Variants in FAT3 observed in about 807,000 individuals in gnomAD.
The protein encoded by FAT3 is FAT atypical cadherin 3.
Under a neutral mutation model 310.2 loss-of-function variants are expected in FAT3, and 95 were observed. The observed-to-expected ratio is 0.31, with a 90% CI of 0.26 to 0.36. The LOEUF (loss-of-function observed/expected upper bound fraction) is 0.36. FAT3 is among the 10% of genes least tolerant of loss of function. FAT3 has a pLI of 1.00. For missense variants in FAT3, 5,408 were observed against 5,715.6 expected (o/e 0.95, Z 1.74); for synonymous variants, 2,314 against 2,192.9 (o/e 1.06, Z -1.54).
chr11:92,229,729 C>A lies in FAT3; in HGVS notation c.-18+4555C>A, dbSNP rs543427075. On this transcript the variant is annotated intron_variant, in intron 1 of 27. Coordinates refer to ENST00000525166, the MANE Select transcript of FAT3 (RefSeq NM_001367949.2). ...TGACAAATGACCCATTCTAGCAGTT[C>A]TGAATTGGAATGGCATTTTCAGGTT... 3.6e-4 allele frequency among the ~76,000 whole-genome samples: 53 copies of A among 149,132 alleles called. 1 individual carries two copies. The South Asian group carries it at 7.6e-3, about 21-fold the overall frequency.
intron 6 of FAT3, among the ~76,000 whole-genome samples, chr11:92,770,717 G>T (rs1946435724): frequency 1.3e-5 from 2 of 152,284 alleles, no homozygotes; most frequent in South Asian, 2.1e-4. Context: ...TAAAGGGGAA[G>T]CTGTGTGATT....
intron 3 of FAT3, among the ~76,000 whole-genome samples, chr11:92,623,228 G>T (rs1195804952): frequency 3.4e-5 from 5 of 147,966 alleles, no homozygotes; most frequent in Admixed American, 2.7e-4. Context: ...TGTTGTAGAT[G>T]AAGAAGGTAT....
At chr11:92,639,189 G>A (rs747208487) in intron 3 of FAT3, among the ~76,000 whole-genome samples, 1 of 152,168 alleles carries the variant, frequency 6.6e-6, no homozygotes, top group South Asian at 2.1e-4. Context: ...CCTGCATGAT[G>A]GATGGGAGAT....
intron 18 of FAT3, 33 bp from the exon 19 acceptor site, chr11:92,843,901 C>T (rs749325282): frequency 3.8e-5 from 58 of 1,546,098 alleles, no homozygotes; most frequent in Non-Finnish European, 5.1e-5. Flanking sequence ...AGTTTTCTTC[C>T]TTTGTTGCCT....
chr11:92,527,008 C>T (rs1176322197), intron 3 of FAT3, among the ~76,000 whole-genome samples: 1 of 152,066 alleles, frequency 6.6e-6, no homozygotes, highest in Non-Finnish European at 1.5e-5. Context: ...GCCTTAGGGA[C>T]CCAAACTTAT....
In FAT3 at chr11:92,352,323, A is replaced by G. The variant is rs772295182; in HGVS notation, c.211A>G (p.Thr71Ala). ...CAACAGCCAGAGTAGAATGGGCATCACCTTAATAGATCTATCCTGGGATAT... is the reference window on the plus strand; with the variant it reads ...CAACAGCCAGAGTAGAATGGGCATCGCCTTAATAGATCTATCCTGGGATAT... ...YVNSQSRMGI[T>A]LIDLSWDIKY... is the part of the protein sequence containing the mutation. Residue 71 changes from threonine to alanine, a missense_variant, in exon 2 of 28, where the codon ACC becomes GCC. Thr to Ala is a moderately conservative substitution (Grantham distance 58). Transcript: ENST00000525166. 1 of 1,553,346 alleles carries G rather than the reference A, an allele frequency of 6.4e-7. No individual in the cohort carries two copies.
At chr11:92,869,800 C>A (rs567806756) in intron 22 of FAT3, among the ~76,000 whole-genome samples, 3 of 152,282 alleles carry the variant, frequency 2.0e-5, no homozygotes, top group Non-Finnish European at 2.9e-5. Flanking sequence ...AAGACTGAGT[C>A]TTTAATGAAA....
At chr11:92,690,048 C>T (rs1943754780) in intron 3 of FAT3, among the ~76,000 whole-genome samples, 1 of 152,228 alleles carries the variant, frequency 6.6e-6, no homozygotes. Flanking sequence ...AGGTCTGTGC[C>T]AGCCTCTACA....
In FAT3 at chr11:92,778,969, A is replaced by T. The variant is rs77309312; in HGVS notation, c.4335+4789A>T. 6.2e-3 allele frequency among the ~76,000 whole-genome samples: 949 copies of T among 152,320 alleles called. 8 individuals carry two copies. The highest frequency in any genetic ancestry group is 0.022 in the African/African-American group (908 of 41,586). ...TTCTGTGGGAGAAAGGGGTACTACC[A>T]GTCTTAAACATTACAGAAGTGTTCC... On this transcript the variant is annotated intron_variant, in intron 7 of 27. Coordinates refer to ENST00000525166, the MANE Select transcript of FAT3 (RefSeq NM_001367949.2).
chr11:92,809,975 A>T lies in FAT3; in HGVS notation c.9380A>T (p.Asn3127Ile). ...CTAATCCTGGAGGATGTGAATGATA[A>T]CCCCCCTGTGTTTTCTTCTGACCAC... Reference protein sequence around the residue: ...IHLILEDVNDNPPVFSSDHYN... With the variant: ...IHLILEDVNDIPPVFSSDHYN... Residue 3127 changes from asparagine to isoleucine, a missense_variant, in exon 13 of 28, where the codon AAC becomes ATC. Asn to Ile is a moderately radical substitution (Grantham distance 149, BLOSUM62 -3). Transcript: ENST00000525166. The T allele has an allele frequency of 6.2e-7, 1 of 1,613,588 alleles. No homozygotes were observed. The highest frequency in any genetic ancestry group is 8.5e-7 in the Non-Finnish European group (1 of 1,179,756).
chr11:92,724,071 A>ACAGTGTTGC (rs2135981212), intron 4 of FAT3, among the ~76,000 whole-genome samples: 1 of 152,320 alleles, frequency 6.6e-6, no homozygotes, highest in African/African-American at 2.4e-5. Flanking sequence ...TATTTAGCTC[A>ACAGTGTTGC]CAGTGTTGTG....
In FAT3 at chr11:92,353,973, C is replaced by T. The variant is rs1037892128; in HGVS notation, c.1861C>T (p.Leu621Phe). The change falls in exon 2 of 28, where the codon CTT becomes TTT. Residue 621 changes from leucine to phenylalanine, a missense_variant. Coordinates refer to ENST00000525166, the MANE Select transcript of FAT3 (RefSeq NM_001367949.2). ...GTACAAAATCATTTCTGGAAATGAA[C>T]TTGGCTTCTTTTATTTAAACCCAGA... ...VKYKIISGNE[L>F]GFFYLNPDSG... 5 of 1,612,486 alleles carry T rather than the reference C, an allele frequency of 3.1e-6. No homozygotes were observed. The highest frequency in any genetic ancestry group is 4.2e-6 in the Non-Finnish European group (5 of 1,179,100).
At chr11:92,463,294 G>T (rs958911909) in intron 2 of FAT3, among the ~76,000 whole-genome samples, 3 of 152,108 alleles carry the variant, frequency 2.0e-5, no homozygotes, top group Non-Finnish European at 4.4e-5. Context: ...ATATTCTTTA[G>T]CAAATTATTG....
At chr11:92,330,146 C>T (rs1276591015) in intron 1 of FAT3, among the ~76,000 whole-genome samples, 1 of 152,180 alleles carries the variant, frequency 6.6e-6, no homozygotes, top group Non-Finnish European at 1.5e-5. Context: ...TTAAGACCTT[C>T]AGATGCACTA....
chr11:92,256,979 A>G (rs1005355747), intron 1 of FAT3, among the ~76,000 whole-genome samples: 2 of 152,060 alleles, frequency 1.3e-5, no homozygotes, highest in South Asian at 2.1e-4. Flanking sequence ...TCCTATGTTG[A>G]TGAACAAACT....
chr11:92,423,019 CT>C (rs1263768570), intron 2 of FAT3, among the ~76,000 whole-genome samples: 3 of 152,136 alleles, frequency 2.0e-5, no homozygotes, highest in Admixed American at 6.6e-5. Flanking sequence ...GACAATGGCT[CT>C]GGAATCATAT....
chr11:92,311,491 T>C (rs1394014243), intron 1 of FAT3, among the ~76,000 whole-genome samples: 2 of 152,186 alleles, frequency 1.3e-5, no homozygotes, highest in Admixed American at 6.5e-5. Context: ...TTAAGTCACC[T>C]TATTTTATTT....
At chr11:92,832,544 G>T (rs919878976) in intron 14 of FAT3, among the ~76,000 whole-genome samples, 6 of 151,932 alleles carry the variant, frequency 3.9e-5, no homozygotes, top group Non-Finnish European at 8.8e-5. Flanking sequence ...CCTTGTTGTG[G>T]GCTTACTTAG....
intron 1 of FAT3, among the ~76,000 whole-genome samples, chr11:92,235,547 A>G (rs2134239235): frequency 6.6e-6 from 1 of 150,576 alleles, no homozygotes; most frequent in South Asian, 2.1e-4. Context: ...TCTTGCTGGT[A>G]TTTAATATTT....
Sources: gnomAD v4.1 joint callset for allele counts (sites outside exome capture counted in the v4.1 genomes callset) on GRCh38, gnomAD v4.1.1 for gene constraint, MANE v1.5 for transcripts, NCBI Gene and HGNC (gene_info 2026-07-23, HGNC 2026-07-21) for gene names.